Variants in TINAG observed in about 807,000 individuals in gnomAD.
TINAG encodes the protein tubulointerstitial nephritis antigen.
TINAG carries 83 observed loss-of-function variants against 72.7 expected under a neutral mutation model. That is an observed-to-expected ratio of 1.14 (90% CI 0.96 to 1.37). The LOEUF is 1.37. Ranked by LOEUF, TINAG falls within the 40% of genes most tolerant of loss-of-function variation. The probability of loss-of-function intolerance (pLI) is 0.00; values close to 1 mark genes in which losing one functional copy is unlikely to be tolerated. For synonymous variants in TINAG, 234 were observed against 189.9 expected (o/e 1.23, Z -1.91); for missense variants, 685 against 576.6 (o/e 1.19, Z -1.93).
chr6:54,380,811 T>A (rs549870967), intron 10 of TINAG, among the ~76,000 whole-genome samples: 3 of 151,766 alleles, frequency 2.0e-5, no homozygotes, highest in South Asian at 2.1e-4. Context: ...TTCCCCAAGT[T>A]GAGAATCAAG....
intron 9 of TINAG, among the ~76,000 whole-genome samples, chr6:54,371,688 A>C (rs2150975610): frequency 6.6e-6 from 1 of 152,168 alleles, no homozygotes; most frequent in East Asian, 1.9e-4. Context: ...AAATGCGATA[A>C]AATTTTTTAT....
At chr6:54,347,264 A>T (rs1020519666) in intron 5 of TINAG, 103 bp from the exon 6 acceptor site, 1 of 1,075,552 alleles carries the variant, frequency 9.3e-7, no homozygotes, top group Non-Finnish European at 1.3e-6. Context: ...TAAATTATAC[A>T]CAGTTTTAAA....
chr6:54,314,842 G>A (rs530078994), intron 1 of TINAG, among the ~76,000 whole-genome samples: 379 of 152,130 alleles, frequency 2.5e-3, no homozygotes, highest in African/African-American at 8.5e-3. Context: ...CTTTAATTTA[G>A]GGTCATAGTT....
intron 4 of TINAG, among the ~76,000 whole-genome samples, chr6:54,338,239 C>A (rs982270170): frequency 1.4e-4 from 21 of 152,000 alleles, no homozygotes; most frequent in Non-Finnish European, 2.2e-4. Context: ...CACAGTGGAA[C>A]CTAATTGATA....
chr6:54,339,272 T>C (rs1397975643), intron 4 of TINAG, among the ~76,000 whole-genome samples: 2 of 152,224 alleles, frequency 1.3e-5, no homozygotes, highest in Non-Finnish European at 2.9e-5. Context: ...TGGGTAGCCC[T>C]GTGCTGGAAT....
In TINAG at chr6:54,390,090, A is replaced by G. The variant is rs564102070; in HGVS notation, c.*165A>G. On this transcript the variant is annotated 3_prime_UTR_variant, in exon 11 of 11. Coordinates refer to ENST00000259782, the MANE Select transcript of TINAG (RefSeq NM_014464.4). ...TCTGGTCTATGCTTCTGCTTCCTTCATATTACTGAGCATTAACAACACCAA... is the reference window on the plus strand; with the variant it reads ...TCTGGTCTATGCTTCTGCTTCCTTCGTATTACTGAGCATTAACAACACCAA... 1 of 905,964 alleles carries G rather than the reference A, an allele frequency of 1.1e-6. No homozygotes were observed. The highest frequency in any genetic ancestry group is 2.9e-5 in the East Asian group (1 of 34,724). The allele number at this position is 905,964 out of a possible 1,614,324, so 56.1% of individuals were successfully genotyped here. A position where few individuals can be genotyped will look rare whatever the true frequency, so the allele number is the denominator to read the frequency against.
intron 4 of TINAG, among the ~76,000 whole-genome samples, chr6:54,335,386 C>T (rs1358370957): frequency 2.6e-5 from 4 of 152,124 alleles, no homozygotes; most frequent in African/African-American, 9.7e-5. Flanking sequence ...GTTACAACAC[C>T]TGGAATTGCC....
In TINAG at chr6:54,343,300, C is replaced by A. The variant is rs761157008; in HGVS notation, c.699C>A (p.Gly233=). The part of the protein sequence containing the change: ...ASYKWPGWTH[G]PLDQKNCAAS... ...ATAAATGGCCTGGATGGACTCATGG[C>A]CCATTGGATCAAAAAAATTGTGCTG... The change falls in exon 5 of 11, where the codon GGC becomes GGA. Residue 233 remains glycine (G), a synonymous_variant. Transcript: ENST00000259782. The A allele has an allele frequency of 1.3e-5, 20 of 1,572,306 alleles. No homozygotes were observed. Among genetic ancestry groups the A allele is most frequent in the Non-Finnish European group, 1.6e-5 (18 of 1,157,100 alleles).
intron 9 of TINAG, among the ~76,000 whole-genome samples, chr6:54,377,646 A>G (rs1466729628): frequency 6.6e-6 from 1 of 152,202 alleles, no homozygotes; most frequent in Non-Finnish European, 1.5e-5. Flanking sequence ...AGTTATATTT[A>G]GAGCAAATAT....
chr6:54,320,263 A>G lies in TINAG; in HGVS notation c.356-316A>G, dbSNP rs1444841015. 2.6e-5 allele frequency among the ~76,000 whole-genome samples: 4 copies of G among 152,066 alleles called. No individual in the cohort carries two copies. The East Asian group carries it at 7.7e-4, about 29-fold the overall frequency. On this transcript the variant is annotated intron_variant, in intron 1 of 10. Transcript: ENST00000259782. ...CATAAATCAATTCAAATACTATTATATTGTTTACTTACTTAAAAGCATTAA... is the reference window on the plus strand; with the variant it reads ...CATAAATCAATTCAAATACTATTATGTTGTTTACTTACTTAAAAGCATTAA...
At chr6:54,309,440 T>A (rs1381563878) in intron 1 of TINAG, among the ~76,000 whole-genome samples, 1 of 152,186 alleles carries the variant, frequency 6.6e-6, no homozygotes, top group Non-Finnish European at 1.5e-5. Context: ...TAATACCAAA[T>A]GTATTCTTCA....
chr6:54,351,246 A>G (rs1253535091), intron 7 of TINAG, 106 bp from the exon 8 acceptor site: 12 of 975,554 alleles, frequency 1.2e-5, no homozygotes, highest in African/African-American at 1.7e-5. Context: ...GAGTTTTTCA[A>G]AGTACAATTG....
At chr6:54,361,936 T>C (rs1763250486) in intron 9 of TINAG, among the ~76,000 whole-genome samples, 1 of 151,704 alleles carries the variant, frequency 6.6e-6, no homozygotes, top group Admixed American at 6.6e-5. Context: ...AGCAAGGCCC[T>C]ACCTTTCTTT....
intron 9 of TINAG, 30 bp from the exon 10 acceptor site, chr6:54,380,496 A>G: frequency 6.3e-7 from 1 of 1,590,972 alleles, no homozygotes; most frequent in Non-Finnish European, 8.6e-7. Context: ...TTTTAACCAT[A>G]CCAATCTTTA....
At chr6:54,363,667 A>G (rs1763314923) in intron 9 of TINAG, among the ~76,000 whole-genome samples, 1 of 151,352 alleles carries the variant, frequency 6.6e-6, no homozygotes, top group Admixed American at 6.6e-5. Context: ...CAGGAGAGAG[A>G]AAAGTTGAGC....
chr6:54,317,246 C>A (rs1412190241), intron 1 of TINAG, among the ~76,000 whole-genome samples: 1 of 122,898 alleles, frequency 8.1e-6, no homozygotes, highest in South Asian at 2.3e-4. Context: ...TTCTTGCTCT[C>A]TCTTTCTTCT....
At chr6:54,376,945 T>C (rs1763801647) in intron 9 of TINAG, among the ~76,000 whole-genome samples, 2 of 152,158 alleles carry the variant, frequency 1.3e-5, no homozygotes, top group African/African-American at 4.8e-5. Flanking sequence ...GCAGCACTCA[T>C]GCATCCTTAG....
chr6:54,359,368 C>A lies in TINAG; in HGVS notation c.1250+4732C>A, dbSNP rs1038505773. On this transcript the variant is annotated intron_variant, in intron 9 of 10. Transcript: ENST00000259782. ...TCTAGAAAAAATTTTCTACCACACA[C>A]TAGGTAATTGACTTATACTTTTCTA... 8.6e-5 allele frequency among the ~76,000 whole-genome samples: 13 copies of A among 151,832 alleles called. No homozygotes were observed. The East Asian group carries it at 1.8e-3, about 20-fold the overall frequency.
At chr6:54,323,815 G>A (rs1481383520) in intron 3 of TINAG, among the ~76,000 whole-genome samples, 2 of 152,146 alleles carry the variant, frequency 1.3e-5, no homozygotes, top group African/African-American at 2.4e-5. Context: ...TTATCCAGGT[G>A]TGCTGGCACA....
Sources: allele counts gnomAD v4.1 joint callset (sites outside exome capture counted in the v4.1 genomes callset), GRCh38; gene constraint gnomAD v4.1.1; transcripts MANE v1.5; gene names NCBI Gene and HGNC (gene_info 2026-07-23, HGNC 2026-07-21).